RBM24: variants seen among roughly 807,000 people sequenced by gnomAD.
The protein encoded by RBM24 is RNA-binding protein 24.
In RBM24, 5 loss-of-function variants were observed where a neutral mutation model predicts 23.6. That is an observed-to-expected ratio of 0.21 (90% CI 0.11 to 0.45). The LOEUF is 0.45. Ranked by LOEUF, RBM24 falls within the 20% of genes least tolerant of loss-of-function variation. The pLI, the probability that RBM24 is intolerant of heterozygous loss-of-function variation, is 0.99. For synonymous variants in RBM24, 151 were observed against 129.5 expected (o/e 1.17, Z -1.13); for missense variants, 252 against 314.6 (o/e 0.80, Z 1.51).
chr6:17,290,158 GCTTTCAGTAAAACT>G (rs1760314169), intron 3 of RBM24: 1 of 1,161,694 alleles, frequency 8.6e-7, no homozygotes, highest in Admixed American at 2.3e-5. Flanking sequence ...GTTAATGAGT[GCTTTCAGTAAAACT>G]CTGAAAAGGC....
At position 17,281,761 on chromosome 6, in the gene RBM24, G is replaced by A. The variant is rs569489879; in HGVS notation, c.168+12G>A. On this transcript the variant is annotated intron_variant, in intron 1 of 3. Coordinates refer to ENST00000379052, the MANE Select transcript of RBM24 (RefSeq NM_001143942.2). The surrounding 1 kb of genome is among the most constrained non-coding windows in gnomAD (Gnocchi z 7.1). ...GGGGCTATGGATTTGTAAGTTGCAC[G>A]GACTGGGGGTGACGGGGAGGGACGG... 3.0e-4 allele frequency: 464 copies of A among 1,547,856 alleles called. 1 individual carries two copies. The highest frequency in any genetic ancestry group is 1.3e-3 in the South Asian group (108 of 83,880).
chr6:17,292,177 T>G lies in RBM24; in HGVS notation c.*58T>G. On this transcript the variant is annotated 3_prime_UTR_variant, in exon 4 of 4. Coordinates refer to ENST00000379052, the MANE Select transcript of RBM24 (RefSeq NM_001143942.2). ...TCTTTCCCTCCCAATTTTCCAATTT[T>G]TAGTAGCTAATAAGAGAGTTAACAT... 6.9e-7 allele frequency: 1 copy of G among 1,451,796 alleles called. No individual in the cohort carries two copies. Among genetic ancestry groups the G allele is most frequent in the Non-Finnish European group, 9.1e-7 (1 of 1,099,106 alleles). 89.9% of individuals were successfully genotyped at this position (1,451,796 alleles called of 1,614,324 possible).
intron 3 of RBM24, among the ~76,000 whole-genome samples, chr6:17,286,461 GAATC>G (rs1313607448): frequency 6.6e-6 from 1 of 152,112 alleles, no homozygotes; most frequent in African/African-American, 2.4e-5. Flanking sequence ...TTATAAAATT[GAATC>G]AATCAACAGG....
In RBM24 at chr6:17,284,683, C is replaced by A. The variant is rs143113042; in HGVS notation, c.319C>A (p.His107Asn). The A allele has an allele frequency of 1.3e-4, 213 of 1,611,948 alleles. No homozygotes were observed. Among genetic ancestry groups the A allele is most frequent in the Admixed American group, 4.7e-4 (28 of 59,718 alleles). ...PGFAFGVQQL[H>N]PALIQRPFGI... is the part of the protein sequence containing the mutation. ...TTTTGCCTTTGGTGTTCAACAACTT[C>A]ATCCAGCCCTTATACAAAGACCTTT... Residue 107 changes from histidine to asparagine, a missense_variant, in exon 3 of 4, where the codon CAT becomes AAT. Coordinates refer to ENST00000379052, the MANE Select transcript of RBM24 (RefSeq NM_001143942.2).
At position 17,281,958 on chromosome 6, in the gene RBM24, G is replaced by A. The variant is rs2113392006; in HGVS notation, c.168+209G>A. 2 of 1,363,830 alleles carry A rather than the reference G, an allele frequency of 1.5e-6. No homozygotes were observed. Among genetic ancestry groups the A allele is most frequent in the Middle Eastern group, 2.7e-4 (1 of 3,696 alleles). 84.5% of individuals were successfully genotyped at this position (1,363,830 alleles called of 1,614,324 possible). ...GGGTTCGGAGAAGACCCAGCGCTGT[G>A]CGAGGTCGGGGGCCGGGCAGGGCAG... On this transcript the variant is annotated intron_variant, in intron 1 of 3. Transcript: ENST00000379052. This position sits in a 1 kb window ranked among gnomAD's most constrained non-coding sequence, Gnocchi z 7.1.
chr6:17,289,198 A>T (rs905515801), intron 3 of RBM24: 1 of 985,326 alleles, frequency 1.0e-6, no homozygotes, highest in Admixed American at 6.1e-5. Context: ...AGATCACCTT[A>T]ATGGGTCTCA....
In RBM24 at chr6:17,293,786, C is replaced by A. The variant is rs1448711755; in HGVS notation, c.*1667C>A. ...GTAATGTAGACATGACTCTCCTGTGCAAATTATTTATTCGTTGTGTATATT... is the reference window on the plus strand; with the variant it reads ...GTAATGTAGACATGACTCTCCTGTGAAAATTATTTATTCGTTGTGTATATT... On this transcript the variant is annotated 3_prime_UTR_variant, in exon 4 of 4. Transcript: ENST00000379052. 6.6e-6 allele frequency: 1 copy of A among 152,610 alleles called. No homozygotes were observed. Among genetic ancestry groups the A allele is most frequent in the Non-Finnish European group, 1.5e-5 (1 of 68,040 alleles). 9.5% of individuals were successfully genotyped at this position (152,610 alleles called of 1,614,324 possible).
intron 2 of RBM24, among the ~76,000 whole-genome samples, chr6:17,284,442 T>A (rs1016093768): frequency 1.3e-5 from 2 of 152,252 alleles, no homozygotes; most frequent in Admixed American, 1.3e-4. Context: ...CAGATTTTTT[T>A]AAAGTTTTCA....
chr6:17,289,411 T>C (rs1760289885), intron 3 of RBM24: 2 of 985,302 alleles, frequency 2.0e-6, no homozygotes, highest in Non-Finnish European at 1.2e-6. Context: ...AAACTTCATG[T>C]AGGAGTCTGA....
chr6:17,287,967 A>G (rs12211512), intron 3 of RBM24, among the ~76,000 whole-genome samples: 22,435 of 152,184 alleles, frequency 0.15, 1,933 homozygotes, highest in Middle Eastern at 0.3. Context: ...GGCAGGAGGG[A>G]CTGTAACTAA....
In RBM24 at chr6:17,281,841, C is replaced by A. The variant is rs958690137; in HGVS notation, c.168+92C>A. On this transcript the variant is annotated intron_variant, in intron 1 of 3. Coordinates refer to ENST00000379052, the MANE Select transcript of RBM24 (RefSeq NM_001143942.2). This position sits in a 1 kb window ranked among gnomAD's most constrained non-coding sequence, Gnocchi z 7.1. Reference sequence around the variant, plus strand: ...TTGGAGTGAGGGGCTCGGCGTGACCCGTGAGGAGCCCCGCGGGTAGAGCGG... The same window carrying A: ...TTGGAGTGAGGGGCTCGGCGTGACCAGTGAGGAGCCCCGCGGGTAGAGCGG... 2 of 1,469,066 alleles carry A rather than the reference C, an allele frequency of 1.4e-6. No homozygotes were observed. The highest frequency in any genetic ancestry group is 1.8e-6 in the Non-Finnish European group (2 of 1,083,888). 91.0% of individuals were successfully genotyped at this position (1,469,066 alleles called of 1,614,324 possible). A position where few individuals can be genotyped will look rare whatever the true frequency, so the allele number is the denominator to read the frequency against.
At chr6:17,290,168 A>C in intron 3 of RBM24, 1 of 1,101,916 alleles carries the variant, frequency 9.1e-7, no homozygotes, top group South Asian at 1.3e-5. Context: ...GCTTTCAGTA[A>C]AACTCTGAAA....
At chr6:17,282,414 C>A (rs977455505) in intron 1 of RBM24, 1 of 539,976 alleles carries the variant, frequency 1.9e-6, no homozygotes, top group Non-Finnish European at 3.3e-6. Context: ...GCTGGACTTT[C>A]TTTAAAGCAA....
chr6:17,288,488 T>C lies in RBM24; in HGVS notation c.348-3268T>C, dbSNP rs529588088. 2.6e-5 allele frequency: 26 copies of C among 984,476 alleles called. No homozygotes were observed. The Admixed American group carries it at 1.4e-3, about 51-fold the overall frequency. 61.0% of individuals were successfully genotyped at this position (984,476 alleles called of 1,614,324 possible). On this transcript the variant is annotated intron_variant, in intron 3 of 3. Coordinates refer to ENST00000379052, the MANE Select transcript of RBM24 (RefSeq NM_001143942.2). ...TATTTAATGCACAGCAATCCAGGGT[T>C]GTGAGATTATTAGTCCATTTCACAT...
At chr6:17,283,034 A>G in intron 2 of RBM24, 106 bp downstream of exon 2, 1 of 777,240 alleles carries the variant, frequency 1.3e-6, no homozygotes, top group Non-Finnish European at 2.1e-6. Flanking sequence ...AGATGTGTTT[A>G]GTAAACTTGA....
At position 17,287,407 on chromosome 6, in the gene RBM24, A is replaced by T. The variant is rs567084621; in HGVS notation, c.347+2696A>T. Among the ~76,000 whole-genome samples, 4 of 152,324 alleles carry T rather than the reference A, an allele frequency of 2.6e-5. No individual in the cohort carries two copies. In the South Asian group the frequency reaches 8.3e-4, roughly 32 times the overall value. On this transcript the variant is annotated intron_variant, in intron 3 of 3. Transcript: ENST00000379052. ...TAGCACAGTGGGCAGATGTAGAAAA[A>T]CTTATAAACTTGCTAAACAATATTT...
rs1561739263 is a variant in RBM24, at chr6:17,292,809, AACAC to A, written c.*696_*699del. ...TGCAACAGCTGTACAGACAATCAAT[AACAC>A]ACACAGTTCTGGAAAGAACACATCA... On this transcript the variant is annotated 3_prime_UTR_variant, in exon 4 of 4. Transcript: ENST00000379052. 3 of 152,646 alleles carry A rather than the reference AACAC, an allele frequency of 2.0e-5. No homozygotes were observed. Among genetic ancestry groups the A allele is most frequent in the African/African-American group, 7.2e-5 (3 of 41,444 alleles). 9.5% of individuals were successfully genotyped at this position (152,646 alleles called of 1,614,324 possible).
At chr6:17,282,100 C>CG in intron 1 of RBM24, 1 of 1,221,774 alleles carries the variant, frequency 8.2e-7, no homozygotes, top group Non-Finnish European at 1.0e-6. Context: ...GGTTGTTAAG[C>CG]GCGCTGTTGC....
At chr6:17,289,882 G>A in intron 3 of RBM24, 1 of 1,235,528 alleles carries the variant, frequency 8.1e-7, no homozygotes, top group Non-Finnish European at 1.0e-6. Context: ...CAGCCTCCAG[G>A]GACAGTGTTT....
Sources: allele counts gnomAD v4.1 joint callset (sites outside exome capture counted in the v4.1 genomes callset), GRCh38; gene constraint gnomAD v4.1.1; non-coding constraint Gnocchi (gnomAD v3.1); transcripts MANE v1.5; gene names NCBI Gene and HGNC (gene_info 2026-07-23, HGNC 2026-07-21).